The following HMCN2 variants were observed in gnomAD, a reference collection of about 807,000 sequenced individuals.
HMCN2 encodes hemicentin 2, also known as hemicentin-2.
In HMCN2, 325 loss-of-function variants were observed where a neutral mutation model predicts 377.5. That is an observed-to-expected ratio of 0.86 (90% CI 0.79 to 0.94). The LOEUF (loss-of-function observed/expected upper bound fraction) is 0.94, where lower values mean the gene tolerates loss of function less well. Ranked by LOEUF, HMCN2 falls within the 40% of genes least tolerant of loss-of-function variation. The pLI is 0.00. For synonymous variants in HMCN2, 2,007 were observed against 2,046.8 expected, an observed-to-expected ratio of 0.98 and a Z score of 0.53; for missense variants, 4,543 against 4,725.3, an observed-to-expected ratio of 0.96 and a Z score of 1.13.
chr9:130,403,106 CCT>C, intron 78 of HMCN2, 86 bp from the exon 79 acceptor site: 5 of 1,181,276 alleles, frequency 4.2e-6, no homozygotes, highest in South Asian at 1.4e-5. Context: ...TCCTTAGAGG[CCT>C]CTCTCTCTGA....
At chr9:130,425,186 C>G in intron 89 of HMCN2, 56 bp downstream of exon 89, 1 of 1,478,084 alleles carries the variant, frequency 6.8e-7, no homozygotes, top group Non-Finnish European at 9.0e-7. Context: ...GACGAAGGTG[C>G]CCGGCTCTCA....
intron 29 of HMCN2, among the ~76,000 whole-genome samples, chr9:130,350,702 C>T (rs1198813203): frequency 3.4e-5 from 5 of 147,232 alleles, no homozygotes; most frequent in East Asian, 2.0e-4. Context: ...CTGGCTAACA[C>T]GGTGAAACCT....
rs1839894136 is a variant in HMCN2 at position 130,354,154 on chromosome 9, C to G, written c.4865-609C>G. 2.0e-5 allele frequency among the ~76,000 whole-genome samples: 3 copies of G among 152,212 alleles called. 1 individual carries two copies. The South Asian group carries it at 6.2e-4, about 32-fold the overall frequency. ...CCAAATAAGGTTAAGAAGCATCTCC[C>G]AGGCCACGGTTGCCCCTTGTGCCCT... is the stretch of plus-strand genomic sequence containing the variant. On this transcript the variant is annotated intron_variant, in intron 31 of 97. Coordinates refer to ENST00000683500, the MANE Select transcript of HMCN2 (RefSeq NM_001291815.2).
At chr9:130,431,340 C>A (rs767168584) in intron 95 of HMCN2, 27 bp from the exon 96 acceptor site, 46 of 1,543,962 alleles carry the variant, frequency 3.0e-5, no homozygotes, top group Non-Finnish European at 4.0e-5. Context: ...CCATCCCCCA[C>A]CTGCCCCACC....
rs182684030 is a variant in HMCN2, at chr9:130,281,572, T to C, written c.260-3031T>C. On this transcript the variant is annotated intron_variant, in intron 1 of 97. Coordinates refer to ENST00000683500, the MANE Select transcript of HMCN2 (RefSeq NM_001291815.2). ...AGGATCGCGCCACTGCACTCCAGCC[T>C]GGGTGATGGAGTGAGACTCAGTCTC... is the stretch of plus-strand genomic sequence containing the variant. Among the ~76,000 whole-genome samples the C allele has an allele frequency of 4.8e-3, 713 of 148,272 alleles. 5 individuals are homozygous for C. The highest frequency in any genetic ancestry group is 0.017 in the African/African-American group (685 of 39,782).
rs782091701 is a variant in HMCN2, at chr9:130,266,018, G to C, written c.140G>C (p.Gly47Ala). ...ATLAFVFDVT[G>A]SMWDELMQVI... Reference sequence around the variant, plus strand: ...CTGGCCTTCGTCTTCGACGTCACCGGCTCCATGTGGGACGAACTGATGCAG... The same window carrying C: ...CTGGCCTTCGTCTTCGACGTCACCGCCTCCATGTGGGACGAACTGATGCAG... The change falls in exon 1 of 98, where the codon GGC becomes GCC. Residue 47 changes from glycine (G) to alanine (A), a missense_variant. By Grantham distance (60) the Gly-to-Ala change is moderately conservative. Around this residue, in one of 5 missense-constraint regions of HMCN2, gnomAD observed 547 missense variants for 189.9 expected, o/e 2.88. Transcript: ENST00000683500. 5 of 470,498 alleles carry C rather than the reference G, an allele frequency of 1.1e-5. No homozygotes were observed. Among genetic ancestry groups the C allele is most frequent in the Admixed American group, 2.3e-5 (1 of 42,556 alleles). 29.1% of individuals were successfully genotyped at this position (470,498 alleles called of 1,614,324 possible).
intron 95 of HMCN2, chr9:130,430,954 G>A (rs1844706420): frequency 5.5e-6 from 2 of 361,322 alleles, no homozygotes; most frequent in Admixed American, 4.4e-5. Flanking sequence ...GATTTTCAGG[G>A]GTGAAGGAGA....
At chr9:130,350,474 T>C (rs1004365621) in intron 29 of HMCN2, among the ~76,000 whole-genome samples, 2 of 150,726 alleles carry the variant, frequency 1.3e-5, no homozygotes, top group African/African-American at 2.4e-5. Context: ...AGAGAATCAC[T>C]TGAACCTAGG....
At chr9:130,343,621 T>A (rs1839183955) in intron 25 of HMCN2, among the ~76,000 whole-genome samples, 1 of 152,140 alleles carries the variant, frequency 6.6e-6, no homozygotes, top group Admixed American at 6.6e-5. Flanking sequence ...TCTGCGCTTT[T>A]GGGAGGTGGG....
Position 130,294,887 on chromosome 9 carries a change from CT to C in HMCN2, c.646del (p.Ser216ProfsTer26). The C allele has an allele frequency of 2.1e-6, 1 of 466,638 alleles. No homozygotes were observed. Among genetic ancestry groups the C allele is most frequent in the Non-Finnish European group, 4.4e-6 (1 of 224,800 alleles). 28.9% of individuals were successfully genotyped at this position (466,638 alleles called of 1,614,324 possible). A position where few individuals can be genotyped will look rare whatever the true frequency, so the allele number is the denominator to read the frequency against. On this transcript the variant is annotated frameshift_variant, in exon 5 of 98. Transcript: ENST00000683500. LOFTEE classifies it high-confidence loss of function. Reference sequence around the variant, plus strand: ...AGTGGGTGGAGTCAGCGATCCAGGCCTCCAAGGTGCACCTGCTGTCCACAGA... The same window carrying C: ...AGTGGGTGGAGTCAGCGATCCAGGCCCCAAGGTGCACCTGCTGTCCACAGA... ...LKWVESAIQASKVHLLSTDHE... is the reference protein window; with the variant it reads ...LKWVESAIQAXKVHLLSTDHE...
intron 70 of HMCN2, 25 bp downstream of exon 70, chr9:130,395,133 G>GGGGGGCC: frequency 4.4e-6 from 2 of 453,784 alleles, no homozygotes; most frequent in Non-Finnish European, 7.8e-6. Flanking sequence ...TGGGGTGGGG[G>GGGGGGCC]CAGGGCCGGG....
At chr9:130,421,796 A>G (rs1251746936) in intron 86 of HMCN2, among the ~76,000 whole-genome samples, 1 of 152,120 alleles carries the variant, frequency 6.6e-6, no homozygotes, top group Non-Finnish European at 1.5e-5. Flanking sequence ...CCCCAAATTA[A>G]CCAGCCCCTT....
At chr9:130,278,287 G>A (rs1010163272) in intron 1 of HMCN2, among the ~76,000 whole-genome samples, 1 of 152,012 alleles carries the variant, frequency 6.6e-6, no homozygotes, top group African/African-American at 2.4e-5. Context: ...ACCACGCCCG[G>A]CTAATTTTTT....
intron 8 of HMCN2, among the ~76,000 whole-genome samples, chr9:130,301,424 T>A (rs1288317484): frequency 4.6e-5 from 7 of 152,232 alleles, no homozygotes; most frequent in Non-Finnish European, 7.3e-5. Flanking sequence ...TGGTTTGGAT[T>A]TTTGCTTCCT....
chr9:130,329,153 C>T (rs1838292838), intron 22 of HMCN2, among the ~76,000 whole-genome samples: 1 of 152,222 alleles, frequency 6.6e-6, no homozygotes, highest in African/African-American at 2.4e-5. Flanking sequence ...CCACCAGCCC[C>T]CCATTTCTGC....
intron 1 of HMCN2, among the ~76,000 whole-genome samples, chr9:130,276,561 A>G (rs1308164412): frequency 3.3e-5 from 5 of 152,130 alleles, no homozygotes; most frequent in Admixed American, 1.3e-4. Context: ...GTTCAGGGAG[A>G]GGCCCTGGGG....
At chr9:130,427,225 G>T (rs564960428) in intron 90 of HMCN2, 88 bp from the exon 91 acceptor site, 8 of 1,363,684 alleles carry the variant, frequency 5.9e-6, no homozygotes, top group Non-Finnish European at 8.2e-6. Context: ...AGCTGGCAGT[G>T]GGGGAGCTGT....
intron 22 of HMCN2, among the ~76,000 whole-genome samples, chr9:130,327,947 G>A (rs984387456): frequency 3.3e-5 from 5 of 152,314 alleles, no homozygotes. Context: ...CTGGGAGTGG[G>A]CGGACAGGGA....
chr9:130,365,529 G>A, intron 41 of HMCN2, 102 bp from the exon 42 acceptor site: 1 of 467,158 alleles, frequency 2.1e-6, no homozygotes, highest in Non-Finnish European at 2.8e-6. Flanking sequence ...GCAGCTTGGG[G>A]GCTCAGCAAG....
Sources: gnomAD v4.1 joint callset for allele counts (sites outside exome capture counted in the v4.1 genomes callset) on GRCh38, gnomAD v4.1.1 for gene constraint, gnomAD v4.1.1 regional missense constraint, MANE v1.5 for transcripts, NCBI Gene and HGNC (gene_info 2026-07-23, HGNC 2026-07-21) for gene names.